The following CSMD1 variants were observed in gnomAD, a reference collection of about 807,000 sequenced individuals.
CSMD1 encodes the protein CUB and Sushi multiple domains 1.
In CSMD1, 213 loss-of-function variants were observed where a neutral mutation model predicts 417.5. The observed-to-expected ratio is 0.51, with a 90% confidence interval of 0.46 to 0.57. The LOEUF (loss-of-function observed/expected upper bound fraction) is 0.57. CSMD1 is among the 20% of genes least tolerant of loss of function. CSMD1 has a pLI of 0.00. For missense variants in CSMD1, 6,923 were observed against 4,529.7 expected, an observed-to-expected ratio of 1.53 and a Z score of -15.17; for synonymous variants, 2,862 against 1,736.8, an observed-to-expected ratio of 1.65 and a Z score of -16.11.
intron 3 of CSMD1, among the ~76,000 whole-genome samples, chr8:4,107,904 G>T (rs145941481): frequency 6.6e-6 from 1 of 152,130 alleles, no homozygotes; most frequent in African/African-American, 2.4e-5. Flanking sequence ...AATACAAACT[G>T]AAACAAATAA....
chr8:3,638,289 G>A (rs1185897384), intron 7 of CSMD1, among the ~76,000 whole-genome samples: 2 of 152,064 alleles, frequency 1.3e-5, no homozygotes, highest in Non-Finnish European at 2.9e-5. Flanking sequence ...AATTTACATA[G>A]AAAATGTGTC....
intron 4 of CSMD1, among the ~76,000 whole-genome samples, chr8:4,031,526 G>A (rs986584071): frequency 2.6e-5 from 4 of 152,140 alleles, no homozygotes; most frequent in Non-Finnish European, 4.4e-5. Flanking sequence ...CACAACATGT[G>A]GGAATTGTGG....
At chr8:3,977,709 G>C (rs1385164441) in intron 5 of CSMD1, among the ~76,000 whole-genome samples, 16 of 152,272 alleles carry the variant, frequency 1.1e-4, no homozygotes, top group Middle Eastern at 3.4e-3. Flanking sequence ...TTCTGTCATA[G>C]ATGCCTGGAA....
At chr8:4,981,151 G>A (rs900647619) in intron 1 of CSMD1, among the ~76,000 whole-genome samples, 8 of 133,212 alleles carry the variant, frequency 6.0e-5, no homozygotes, top group African/African-American at 2.2e-4. Flanking sequence ...TCAAAATATA[G>A]ATATTATTTG....
At chr8:3,160,949 A>C (rs769273485) in intron 38 of CSMD1, among the ~76,000 whole-genome samples, 1 of 152,230 alleles carries the variant, frequency 6.6e-6, no homozygotes, top group Non-Finnish European at 1.5e-5. Context: ...AATTCCACAC[A>C]GTGCTGTTAT....
intron 3 of CSMD1, among the ~76,000 whole-genome samples, chr8:4,179,450 C>G (rs200209477): frequency 5.9e-5 from 9 of 151,734 alleles, no homozygotes; most frequent in Non-Finnish European, 4.4e-5. Context: ...AAGACTTAAA[C>G]GTTAGACCTA....
intron 7 of CSMD1, among the ~76,000 whole-genome samples, chr8:3,694,131 C>T (rs533587182): frequency 2.6e-5 from 4 of 151,330 alleles, no homozygotes; most frequent in East Asian, 1.9e-4. Flanking sequence ...CTGTGTGTGG[C>T]GTGGTGTGTG....
intron 5 of CSMD1, among the ~76,000 whole-genome samples, chr8:3,906,991 G>C (rs74685139): frequency 6.6e-6 from 1 of 152,118 alleles, no homozygotes; most frequent in Non-Finnish European, 1.5e-5. Flanking sequence ...CAAACATGTT[G>C]TAAGAAGGTC....
chr8:3,164,868 G>A (rs2129041387), intron 37 of CSMD1, among the ~76,000 whole-genome samples: 1 of 151,972 alleles, frequency 6.6e-6, no homozygotes, highest in African/African-American at 2.4e-5. Flanking sequence ...GATATGATGT[G>A]TTTTTATTAT....
chr8:3,974,567 G>A (rs1383375750), intron 5 of CSMD1, among the ~76,000 whole-genome samples: 1 of 151,842 alleles, frequency 6.6e-6, no homozygotes, highest in Admixed American at 6.6e-5. Flanking sequence ...TTTGCTTTCA[G>A]AACTAGTGGC....
intron 12 of CSMD1, among the ~76,000 whole-genome samples, chr8:3,466,514 A>T (rs1431071600): frequency 6.6e-6 from 1 of 150,834 alleles, no homozygotes; most frequent in Non-Finnish European, 1.5e-5. Context: ...GGTTCAAGCG[A>T]TTCTTCTGCC....
intron 2 of CSMD1, among the ~76,000 whole-genome samples, chr8:4,444,957 T>A (rs942553696): frequency 6.6e-6 from 1 of 152,204 alleles, no homozygotes; most frequent in Admixed American, 6.5e-5. Context: ...CTGGGAAATC[T>A]CCACTGTGTT....
At chr8:4,677,408 C>T (rs1026567762) in intron 1 of CSMD1, among the ~76,000 whole-genome samples, 4 of 151,988 alleles carry the variant, frequency 2.6e-5, no homozygotes, top group Non-Finnish European at 4.4e-5. Context: ...GAATTAGAGA[C>T]AGATTCTCTC....
chr8:4,032,236 T>TA, intron 3 of CSMD1, 137 bp from the exon 4 acceptor site: 1 of 616,938 alleles, frequency 1.6e-6, no homozygotes, highest in East Asian at 2.8e-5. Context: ...TAATTGTTGC[T>TA]AAAAAATAAA....
intron 10 of CSMD1, among the ~76,000 whole-genome samples, chr8:3,541,315 G>C (rs574479696): frequency 2.6e-4 from 40 of 152,244 alleles, no homozygotes; most frequent in African/African-American, 8.4e-4. Flanking sequence ...TTATAAGTGG[G>C]AGCTGAACAA....
At chr8:4,197,101 A>G (rs1403720628) in intron 3 of CSMD1, among the ~76,000 whole-genome samples, 2 of 152,186 alleles carry the variant, frequency 1.3e-5, no homozygotes, top group East Asian at 3.9e-4. Flanking sequence ...AGATGAAGAC[A>G]ATGCAAAGTG....
At chr8:3,271,855 G>A (rs929075864) in intron 26 of CSMD1, among the ~76,000 whole-genome samples, 1 of 151,988 alleles carries the variant, frequency 6.6e-6, no homozygotes, top group Non-Finnish European at 1.5e-5. Context: ...AGTAGGTTGT[G>A]AAAATTTTCT....
At chr8:4,024,987 G>C (rs7812369) in intron 4 of CSMD1, among the ~76,000 whole-genome samples, 2 of 152,252 alleles carry the variant, frequency 1.3e-5, no homozygotes, top group South Asian at 2.1e-4. Flanking sequence ...CTAGGCCTGG[G>C]TGGGTTTAAA....
At chr8:4,939,976 A>G (rs187074168) in intron 1 of CSMD1, among the ~76,000 whole-genome samples, 36 of 152,320 alleles carry the variant, frequency 2.4e-4, no homozygotes, top group Admixed American at 3.9e-4. Flanking sequence ...AACTTGAAAA[A>G]TCTTCAGAGT....
Sources: gnomAD v4.1 joint callset for allele counts (sites outside exome capture counted in the v4.1 genomes callset) on GRCh38, gnomAD v4.1.1 for gene constraint, MANE v1.5 for transcripts, NCBI Gene and HGNC (gene_info 2026-07-23, HGNC 2026-07-21) for gene names.